Variants in KCNIP1 observed in about 807,000 individuals in gnomAD.
The protein encoded by KCNIP1 is A-type potassium channel modulatory protein KCNIP1.
A neutral mutation model predicts 33.0 loss-of-function variants in KCNIP1; 18 were observed. The ratio of observed to expected loss-of-function variants is 0.55; its 90% CI spans 0.38 to 0.81. The LOEUF (loss-of-function observed/expected upper bound fraction) is 0.81, where lower values mean the gene tolerates loss of function less well. KCNIP1 is among the 30% of genes least tolerant of loss of function. The probability of loss-of-function intolerance (pLI) is 0.00; values close to 1 mark genes in which losing one functional copy is unlikely to be tolerated. For synonymous variants in KCNIP1, 93 were observed against 98.3 expected (o/e 0.95, Z 0.32); for missense variants, 238 against 271.6 (o/e 0.88, Z 0.87).
intron 1 of KCNIP1, among the ~76,000 whole-genome samples, chr5:170,703,585 C>T (rs1763168238): frequency 7.5e-6 from 1 of 132,684 alleles, no homozygotes; most frequent in South Asian, 3.1e-4. Context: ...CTAGTCTGGG[C>T]AACACAGTGA....
chr5:170,647,674 C>T (rs1760839086), intron 1 of KCNIP1, among the ~76,000 whole-genome samples: 2 of 151,766 alleles, frequency 1.3e-5, no homozygotes, highest in African/African-American at 4.8e-5. Flanking sequence ...TATAAAACTC[C>T]TAGAATATAA....
intron 1 of KCNIP1, among the ~76,000 whole-genome samples, chr5:170,390,517 A>AAAAAATATATATATATATATATATATAT: frequency 4.0e-5 from 3 of 74,538 alleles, no homozygotes; most frequent in Non-Finnish European, 7.5e-5. Context: ...AAAAAAAACA[A>AAAAAATATATATATATATATATATATAT]ATATATATAT....
At chr5:170,589,752 G>GAT (rs879687053) in intron 1 of KCNIP1, among the ~76,000 whole-genome samples, 2,675 of 141,032 alleles carry the variant, frequency 0.019, 96 homozygotes, top group African/African-American at 0.067. Context: ...GGTGTGGTGT[G>GAT]GTGTGGTGTG....
rs146429027 is a variant in KCNIP1 at position 170,442,517 on chromosome 5, C to T, written c.88+88553C>T. On this transcript the variant is annotated intron_variant, in intron 1 of 7. Transcript: ENST00000377360. ...TAAGGAGAGACAGGGCCTCGTTCTG[C>T]GTTCAGGATGAGTTTCTCCAGGGAA... Among the ~76,000 whole-genome samples, 533 of 152,236 alleles carry T rather than the reference C, an allele frequency of 3.5e-3. 13 individuals carry two copies. Among genetic ancestry groups the T allele is most frequent in the Admixed American group, 0.033 (501 of 15,294 alleles).
chr5:170,578,821 T>C (rs1757692911), intron 1 of KCNIP1, among the ~76,000 whole-genome samples: 1 of 152,168 alleles, frequency 6.6e-6, no homozygotes, highest in Non-Finnish European at 1.5e-5. Context: ...ATGTTTTGGC[T>C]AACATATGAA....
intron 1 of KCNIP1, among the ~76,000 whole-genome samples, chr5:170,370,688 T>A (rs570166967): frequency 6.6e-6 from 1 of 152,328 alleles, no homozygotes; most frequent in East Asian, 1.9e-4. Context: ...CTCCCATCTG[T>A]CCCTCAAGGA....
intron 1 of KCNIP1, among the ~76,000 whole-genome samples, chr5:170,358,344 G>T (rs978803092): frequency 2.0e-5 from 3 of 152,116 alleles, no homozygotes; most frequent in South Asian, 4.2e-4. Flanking sequence ...CTCCCCTCCC[G>T]CCCAGGCCCA....
At chr5:170,675,271 C>T (rs1762087494) in intron 1 of KCNIP1, among the ~76,000 whole-genome samples, 1 of 151,750 alleles carries the variant, frequency 6.6e-6, no homozygotes, top group South Asian at 2.1e-4. Context: ...TGAACTCCAG[C>T]CTGGGCAACA....
intron 1 of KCNIP1, among the ~76,000 whole-genome samples, chr5:170,550,769 T>C (rs998097060): frequency 2.0e-5 from 3 of 152,200 alleles, no homozygotes; most frequent in African/African-American, 7.2e-5. Context: ...ATGACAATAA[T>C]GGTGATGACA....
rs562827151 is a variant in KCNIP1 at position 170,579,878 on chromosome 5, TG to T, written c.61+75251del. Among the ~76,000 whole-genome samples, 153 of 151,960 alleles carry T rather than the reference TG, an allele frequency of 1.0e-3. 1 individual carries two copies. The highest frequency in any genetic ancestry group is 3.3e-3 in the African/African-American group (138 of 41,416). ...CATCTTCTCTGATCCCTTGCCTGAG[TG>T]GGGGGTGGCATTCCAAAAGCTCATT... On this transcript the variant is annotated intron_variant, in intron 1 of 7. Transcript: ENST00000328939.
chr5:170,558,160 A>T (rs900511422), intron 1 of KCNIP1, among the ~76,000 whole-genome samples: 4 of 152,162 alleles, frequency 2.6e-5, no homozygotes, highest in Non-Finnish European at 5.9e-5. Context: ...TCCCCAGGTA[A>T]TGTGACAATG....
chr5:170,646,584 A>T (rs377069612), intron 1 of KCNIP1, among the ~76,000 whole-genome samples: 1 of 152,156 alleles, frequency 6.6e-6, no homozygotes, highest in African/African-American at 2.4e-5. Flanking sequence ...AATAGAGGGG[A>T]ATTTTCTCAC....
intron 1 of KCNIP1, among the ~76,000 whole-genome samples, chr5:170,672,019 C>T (rs1383776318): frequency 6.6e-6 from 1 of 152,156 alleles, no homozygotes; most frequent in Non-Finnish European, 1.5e-5. Context: ...TCCTTCTATT[C>T]CTCACTGGAG....
intron 1 of KCNIP1, among the ~76,000 whole-genome samples, chr5:170,438,020 C>G (rs1055431518): frequency 3.9e-5 from 6 of 152,246 alleles, no homozygotes; most frequent in African/African-American, 1.4e-4. Context: ...CGCTGTGCTT[C>G]CTGGCACCAG....
intron 1 of KCNIP1, among the ~76,000 whole-genome samples, chr5:170,487,145 G>A (rs184859652): frequency 9.8e-5 from 15 of 152,296 alleles, no homozygotes; most frequent in Middle Eastern, 3.4e-3. Context: ...GTAGTCAAGG[G>A]AAATTCAAAA....
chr5:170,449,740 C>T (rs1483417778), intron 1 of KCNIP1, among the ~76,000 whole-genome samples: 1 of 152,158 alleles, frequency 6.6e-6, no homozygotes, highest in Non-Finnish European at 1.5e-5. Flanking sequence ...AGCAGCATTG[C>T]CAGGTACTCC....
At position 170,510,411 on chromosome 5, in the gene KCNIP1, G is replaced by A. The variant is rs564292572; in HGVS notation, c.61+5778G>A. ...CAGAGTGTGCGTTCTTGATGGCTCT[G>A]AGCGGTGTGAGAATGCGGCGGTGCA... is the stretch of plus-strand genomic sequence containing the variant. On this transcript the variant is annotated intron_variant, in intron 1 of 7. Coordinates refer to ENST00000328939, the MANE Select transcript of KCNIP1 (RefSeq NM_014592.4). 2.0e-5 allele frequency among the ~76,000 whole-genome samples: 3 copies of A among 152,310 alleles called. No homozygotes were observed. The South Asian group carries it at 6.2e-4, about 32-fold the overall frequency.
At chr5:170,402,030 G>A (rs760766432) in intron 1 of KCNIP1, among the ~76,000 whole-genome samples, 16 of 152,162 alleles carry the variant, frequency 1.1e-4, no homozygotes, top group Non-Finnish European at 2.1e-4. Flanking sequence ...TCTGGTAGTG[G>A]CAGGCACTCC....
intron 1 of KCNIP1, among the ~76,000 whole-genome samples, chr5:170,718,078 T>C (rs1763694798): frequency 1.3e-5 from 2 of 152,228 alleles, no homozygotes; most frequent in African/African-American, 4.8e-5. Context: ...TGCAATCTTA[T>C]ATTACATTAT....
Sources: allele counts gnomAD v4.1 joint callset (sites outside exome capture counted in the v4.1 genomes callset), GRCh38; gene constraint gnomAD v4.1.1; transcripts MANE v1.5; gene names NCBI Gene and HGNC (gene_info 2026-07-23, HGNC 2026-07-21).